Variants in ITGB5 observed in about 807,000 individuals in gnomAD.
ITGB5 encodes integrin beta-5.
A neutral mutation model predicts 84.8 loss-of-function variants in ITGB5; 38 were observed. That is an observed-to-expected ratio of 0.45 (90% CI 0.35 to 0.59). The LOEUF (loss-of-function observed/expected upper bound fraction) is 0.59. ITGB5 is among the 20% of genes least tolerant of loss of function. The pLI, the probability that ITGB5 is intolerant of heterozygous loss-of-function variation, is 0.01. For missense variants in ITGB5, 905 were observed against 1,034.5 expected (o/e 0.87, Z 1.72); for synonymous variants, 393 against 414.4 (o/e 0.95, Z 0.63).
intron 6 of ITGB5, 103 bp downstream of exon 6, chr3:124,821,210 A>G: frequency 7.7e-7 from 1 of 1,298,028 alleles, no homozygotes; most frequent in Admixed American, 2.1e-5. Context: ...GCCAGTGAAT[A>G]CTGAGGGCCA....
At chr3:124,855,038 C>A (rs112570685) in intron 3 of ITGB5, among the ~76,000 whole-genome samples, 2,000 of 152,244 alleles carry the variant, frequency 0.013, 43 homozygotes, top group South Asian at 0.063. Context: ...GGAGGCCCAG[C>A]GCAGTGGCTC....
intron 2 of ITGB5, among the ~76,000 whole-genome samples, chr3:124,866,634 A>G (rs1252670585): frequency 6.6e-6 from 1 of 152,202 alleles, no homozygotes. Flanking sequence ...AAAGGCAGAG[A>G]GCCCAGGGGA....
intron 1 of ITGB5, among the ~76,000 whole-genome samples, chr3:124,894,900 C>G (rs183301141): frequency 1.3e-5 from 2 of 152,082 alleles, no homozygotes; most frequent in South Asian, 4.1e-4. Context: ...TACACTAATA[C>G]GAACGATAGC....
intron 5 of ITGB5, among the ~76,000 whole-genome samples, chr3:124,830,059 C>G (rs1439426323): frequency 6.6e-6 from 1 of 152,194 alleles, no homozygotes; most frequent in Non-Finnish European, 1.5e-5. Flanking sequence ...CAACATCTGG[C>G]CCCAGAGAAC....
chr3:124,830,215 G>A (rs1000422025), intron 5 of ITGB5, among the ~76,000 whole-genome samples: 2 of 152,178 alleles, frequency 1.3e-5, no homozygotes, highest in African/African-American at 4.8e-5. Context: ...TGACAAAAAA[G>A]GAAGCTCACA....
At chr3:124,783,310 AAAAG>A (rs1266192191) in intron 10 of ITGB5, among the ~76,000 whole-genome samples, 1 of 148,570 alleles carries the variant, frequency 6.7e-6, no homozygotes, top group Non-Finnish European at 1.5e-5. Flanking sequence ...AAAAAAAAAA[AAAAG>A]AGAGAGAGAG....
Position 124,763,646 on chromosome 3 carries a change from A to T in ITGB5, c.2377T>A (p.Ser793Thr). 1 of 1,598,904 alleles carries T rather than the reference A, an allele frequency of 6.3e-7. No homozygotes were observed. The highest frequency in any genetic ancestry group is 8.6e-7 in the Non-Finnish European group (1 of 1,166,828). The change falls in exon 15 of 15, where the codon TCC (serine) becomes ACC (threonine). Residue 793 changes from serine to threonine, a missense_variant. This residue lies in a region of ITGB5 where 133 missense variants were observed against 122.8 expected (regional missense o/e 1.08). Coordinates refer to ENST00000296181, the MANE Select transcript of ITGB5 (RefSeq NM_002213.5). Reference protein sequence around the residue: ...VDFTFNKFNKSYNGTVD With the variant: ...VDFTFNKFNKTYNGTVD ...CATCAGTCCACAGTGCCATTGTAGG[A>T]TTTGTTGAACTTGTTGAAGGTGAAG... is the stretch of plus-strand genomic sequence containing the variant.
At chr3:124,767,845 G>A (rs560901163) in intron 12 of ITGB5, among the ~76,000 whole-genome samples, 8 of 152,354 alleles carry the variant, frequency 5.3e-5, no homozygotes, top group Non-Finnish European at 1.2e-4. Flanking sequence ...GCTGAGGCAG[G>A]TGGACTGCTT....
chr3:124,866,267 G>C (rs1579316801), intron 2 of ITGB5, among the ~76,000 whole-genome samples: 2 of 152,310 alleles, frequency 1.3e-5, no homozygotes, highest in African/African-American at 4.8e-5. Flanking sequence ...ACAGGCATGA[G>C]CCACCATGCC....
intron 5 of ITGB5, among the ~76,000 whole-genome samples, chr3:124,831,455 A>G (rs928867267): frequency 9.9e-5 from 15 of 152,192 alleles, no homozygotes; most frequent in African/African-American, 3.6e-4. Context: ...GCAGAGCATG[A>G]CAAGTGAGAC....
intron 5 of ITGB5, among the ~76,000 whole-genome samples, chr3:124,831,726 C>A (rs1194070006): frequency 6.6e-6 from 1 of 152,124 alleles, no homozygotes; most frequent in Non-Finnish European, 1.5e-5. Flanking sequence ...TTAAAATTAA[C>A]AATTGTCCAA....
chr3:124,796,639 G>A lies in ITGB5; in HGVS notation c.1442C>T (p.Thr481Ile). 1 of 1,614,030 alleles carries A rather than the reference G, an allele frequency of 6.2e-7. No homozygotes were observed. Among genetic ancestry groups the A allele is most frequent in the Non-Finnish European group, 8.5e-7 (1 of 1,179,976 alleles). ...GCACTCACACAGGCCGCAGACATAG[G>A]TCCCGCTCCCGTTGCACCTGGCGCT... is the stretch of plus-strand genomic sequence containing the variant. ...PNSARCNGSGTYVCGLCECSP... is the reference protein window; with the variant it reads ...PNSARCNGSGIYVCGLCECSP... Residue 481 changes from threonine to isoleucine, a missense_variant, in exon 10 of 15, where the codon ACC (threonine) becomes ATC (isoleucine). Coordinates refer to ENST00000296181, the MANE Select transcript of ITGB5 (RefSeq NM_002213.5).
At chr3:124,864,505 C>T (rs1241461114) in intron 2 of ITGB5, among the ~76,000 whole-genome samples, 1 of 152,070 alleles carries the variant, frequency 6.6e-6, no homozygotes, top group African/African-American at 2.4e-5. Flanking sequence ...AGAAAATCCT[C>T]CTTCCTAAGC....
At chr3:124,852,692 C>T (rs1423196657) in intron 3 of ITGB5, among the ~76,000 whole-genome samples, 1 of 151,920 alleles carries the variant, frequency 6.6e-6, no homozygotes, top group Non-Finnish European at 1.5e-5. Context: ...CCAGCAAAAA[C>T]TTTTTTGTTT....
intron 10 of ITGB5, among the ~76,000 whole-genome samples, chr3:124,779,153 C>T (rs560913420): frequency 9.2e-5 from 14 of 152,118 alleles, no homozygotes; most frequent in African/African-American, 2.7e-4. Flanking sequence ...TCTAGGAACT[C>T]GGAGACCCAC....
At chr3:124,887,476 C>G (rs975588892), upstream of ITGB5, 1 of 165,628 alleles carries the variant, frequency 6.0e-6, no homozygotes, top group Non-Finnish European at 1.3e-5. Context: ...CCGGCCGCCA[C>G]ACGGTCAGCT....
At chr3:124,900,255 C>T (rs984222282) in intron 1 of ITGB5, among the ~76,000 whole-genome samples, 1 of 152,146 alleles carries the variant, frequency 6.6e-6, no homozygotes, top group Non-Finnish European at 1.5e-5. Context: ...TATGTGACTG[C>T]AGACTAGTTA....
intron 1 of ITGB5, among the ~76,000 whole-genome samples, chr3:124,895,664 G>A (rs1170470724): frequency 6.6e-6 from 1 of 152,188 alleles, no homozygotes; most frequent in African/African-American, 2.4e-5. Flanking sequence ...GGTGGGGAAT[G>A]GAGGCTGAGC....
At chr3:124,764,122 A>G (rs919165011) in intron 14 of ITGB5, among the ~76,000 whole-genome samples, 1 of 152,116 alleles carries the variant, frequency 6.6e-6, no homozygotes, top group Non-Finnish European at 1.5e-5. Flanking sequence ...GCTCTCTCTG[A>G]GACTGGTCAG....
Sources: gnomAD v4.1 joint callset for allele counts (sites outside exome capture counted in the v4.1 genomes callset) on GRCh38, gnomAD v4.1.1 for gene constraint, gnomAD v4.1.1 regional missense constraint, MANE v1.5 for transcripts, NCBI Gene and HGNC (gene_info 2026-07-23, HGNC 2026-07-21) for gene names.